The following PRR16 variants were observed in gnomAD, a reference collection of about 807,000 sequenced individuals.
PRR16 encodes protein Largen.
A neutral mutation model predicts 18.2 loss-of-function variants in PRR16; 6 were observed. That is an observed-to-expected ratio of 0.33 (90% CI 0.18 to 0.65). PRR16 has a LOEUF of 0.65. Ranked by LOEUF, PRR16 falls within the 30% of genes least tolerant of loss-of-function variation. PRR16 has a pLI of 0.74. For missense variants in PRR16, 412 were observed against 376.6 expected (o/e 1.09, Z -0.78); for synonymous variants, 151 against 147.8 (o/e 1.02, Z -0.16).
chr5:120,725,790 A>C, the PRR16 span, among the ~76,000 whole-genome samples: 2 of 152,108 alleles, frequency 1.3e-5, no homozygotes, highest in Non-Finnish European at 2.9e-5. Context: ...GGGTCCTAAA[A>C]AATAAAATAC....
intron 1 of PRR16, among the ~76,000 whole-genome samples, chr5:120,505,094 T>A (rs529473831): frequency 2.0e-5 from 3 of 152,298 alleles, no homozygotes; most frequent in African/African-American, 7.2e-5. Flanking sequence ...AAGAATTTCA[T>A]GTGATTAATT....
chr5:120,754,184 T>C, the PRR16 span, among the ~76,000 whole-genome samples: 1 of 102,450 alleles, frequency 9.8e-6, no homozygotes, highest in Non-Finnish European at 1.9e-5. Flanking sequence ...TATAAATATA[T>C]AATATATAAT....
the PRR16 span, among the ~76,000 whole-genome samples, chr5:120,768,409 A>AT: frequency 0.23 from 35,103 of 151,296 alleles, 4,532 homozygotes; most frequent in Non-Finnish European, 0.28. Flanking sequence ...TTAAGCAATG[A>AT]TTTTTTTACC....
intron 1 of PRR16, among the ~76,000 whole-genome samples, chr5:120,663,281 G>A (rs897317704): frequency 5.3e-5 from 8 of 151,540 alleles, no homozygotes; most frequent in Admixed American, 1.3e-4. Context: ...TTTGGTTTCC[G>A]CTAGTAAGTA....
chr5:120,786,930 C>T, the PRR16 span, among the ~76,000 whole-genome samples: 2 of 152,068 alleles, frequency 1.3e-5, no homozygotes, highest in Non-Finnish European at 2.9e-5. Context: ...GAGAATATGA[C>T]CCTTGAAGTG....
chr5:120,494,822 C>G (rs1041006238), intron 1 of PRR16, among the ~76,000 whole-genome samples: 2 of 152,048 alleles, frequency 1.3e-5, no homozygotes, highest in Non-Finnish European at 2.9e-5. Flanking sequence ...TCCATTTGCT[C>G]AGCACCATTT....
chr5:120,665,971 G>A (rs1756360279), intron 1 of PRR16, among the ~76,000 whole-genome samples: 1 of 152,096 alleles, frequency 6.6e-6, no homozygotes, highest in Non-Finnish European at 1.5e-5. Context: ...GAACTTTAAA[G>A]TAGTTTTTTC....
At position 120,472,769 on chromosome 5, in the gene PRR16, GT is replaced by G. The variant is rs201110780; in HGVS notation, c.159+8125del. ...ATCAACAGTTTCTTTCTCTTAGGATGTGATGTCAGTGTGAAAATAGGTGGTA... is the reference window on the plus strand; with the variant it reads ...ATCAACAGTTTCTTTCTCTTAGGATGGATGTCAGTGTGAAAATAGGTGGTA... On this transcript the variant is annotated intron_variant, in intron 1 of 1. Transcript: ENST00000407149. 3.1e-3 allele frequency among the ~76,000 whole-genome samples: 467 copies of G among 152,250 alleles called. 4 individuals are homozygous for G. The highest frequency in any genetic ancestry group is 0.011 in the African/African-American group (451 of 41,570).
intron 1 of PRR16, among the ~76,000 whole-genome samples, chr5:120,615,757 CA>C (rs1339303510): frequency 6.6e-6 from 1 of 151,928 alleles, no homozygotes; most frequent in Non-Finnish European, 1.5e-5. Flanking sequence ...TATAATTTAA[CA>C]GAAGTGTTTT....
At chr5:120,504,282 C>A (rs768735306) in intron 1 of PRR16, among the ~76,000 whole-genome samples, 6 of 152,166 alleles carry the variant, frequency 3.9e-5, no homozygotes, top group Non-Finnish European at 8.8e-5. Flanking sequence ...TGTTGCATCA[C>A]CTCAAGTTGT....
chr5:120,681,961 T>C (rs1288968751), intron 1 of PRR16, among the ~76,000 whole-genome samples: 1 of 152,366 alleles, frequency 6.6e-6, no homozygotes, highest in East Asian at 1.9e-4. Context: ...CTGTGTACTT[T>C]AGAGGACACT....
At chr5:120,497,886 C>T (rs1750311710) in intron 1 of PRR16, among the ~76,000 whole-genome samples, 1 of 151,486 alleles carries the variant, frequency 6.6e-6, no homozygotes, top group Admixed American at 6.6e-5. Context: ...TGATTAATGT[C>T]TGCATGGCAT....
chr5:120,466,678 T>C (rs1749116237), intron 1 of PRR16, among the ~76,000 whole-genome samples: 1 of 152,192 alleles, frequency 6.6e-6, no homozygotes, highest in Admixed American at 6.5e-5. Flanking sequence ...GTGTCTTCAT[T>C]ACTGAAGATT....
intron 1 of PRR16, among the ~76,000 whole-genome samples, chr5:120,580,265 A>G (rs929453747): frequency 6.6e-6 from 1 of 152,012 alleles, no homozygotes; most frequent in African/African-American, 2.4e-5. Flanking sequence ...TTCCAATACT[A>G]TGTTGAATAG....
At chr5:120,694,749 C>A in the PRR16 span, among the ~76,000 whole-genome samples, 34 of 151,004 alleles carry the variant, frequency 2.3e-4, no homozygotes, top group African/African-American at 7.8e-4. Context: ...ACTGTTTTGA[C>A]AAGTGTAGCC....
intron 1 of PRR16, among the ~76,000 whole-genome samples, chr5:120,678,125 G>A (rs1176581722): frequency 6.6e-6 from 1 of 152,020 alleles, no homozygotes; most frequent in Non-Finnish European, 1.5e-5. Context: ...TAGCCAGGAT[G>A]GTGTCGATCT....
intron 1 of PRR16, among the ~76,000 whole-genome samples, chr5:120,626,141 T>C (rs1754856540): frequency 6.6e-6 from 1 of 152,148 alleles, no homozygotes; most frequent in Non-Finnish European, 1.5e-5. Flanking sequence ...TAAACATGTG[T>C]ATACCCATAA....
chr5:120,736,100 C>T, the PRR16 span, among the ~76,000 whole-genome samples: 1 of 152,182 alleles, frequency 6.6e-6, no homozygotes, highest in Admixed American at 6.5e-5. Context: ...ATAGGCTTGA[C>T]ACCCTTGTCA....
the PRR16 span, among the ~76,000 whole-genome samples, chr5:120,716,085 AAAG>A: frequency 6.6e-6 from 1 of 152,184 alleles, no homozygotes; most frequent in Non-Finnish European, 1.5e-5. Context: ...AGCTTAGAAA[AAAG>A]CATCTCCAGA....
Sources: allele counts gnomAD v4.1 joint callset (sites outside exome capture counted in the v4.1 genomes callset), GRCh38; gene constraint gnomAD v4.1.1; transcripts MANE v1.5; gene names NCBI Gene and HGNC (gene_info 2026-07-23, HGNC 2026-07-21).